POU2AF2: variants seen among roughly 807,000 people sequenced by gnomAD.
POU2AF2 encodes POU class 2 homeobox associating factor 2, also known as POU domain class 2-associating factor 2.
the POU2AF2 span, among the ~76,000 whole-genome samples, chr11:111,267,784 T>C: frequency 6.6e-6 from 1 of 152,138 alleles, no homozygotes; most frequent in African/African-American, 2.4e-5. Flanking sequence ...CTGTGGAGCC[T>C]TACATATATT....
the POU2AF2 span, among the ~76,000 whole-genome samples, chr11:111,273,908 T>C: frequency 6.6e-6 from 1 of 152,190 alleles, no homozygotes; most frequent in African/African-American, 2.4e-5. Context: ...CTAGCTGGCA[T>C]TGCAGGATCC....
At chr11:111,257,840 G>A in the POU2AF2 span, among the ~76,000 whole-genome samples, 1 of 152,186 alleles carries the variant, frequency 6.6e-6, no homozygotes, top group African/African-American at 2.4e-5. Flanking sequence ...CAATACAGCA[G>A]GGCACAGTAT....
chr11:111,257,587 G>A, the POU2AF2 span, among the ~76,000 whole-genome samples: 2 of 151,938 alleles, frequency 1.3e-5, no homozygotes, highest in East Asian at 3.9e-4. Context: ...TGTTGGCCAG[G>A]CTGGTATCAA....
chr11:111,286,105 A>G, the POU2AF2 span: 32 of 1,588,748 alleles, frequency 2.0e-5, no homozygotes, highest in South Asian at 3.6e-4. Context: ...GGTGTATTCC[A>G]AAGATTGTTT....
the POU2AF2 span, among the ~76,000 whole-genome samples, chr11:111,257,476 C>G: frequency 6.6e-6 from 1 of 151,550 alleles, no homozygotes; most frequent in Non-Finnish European, 1.5e-5. Flanking sequence ...TCAAGCGATT[C>G]TCCTGTCTCA....
At chr11:111,280,150 T>C in the POU2AF2 span, among the ~76,000 whole-genome samples, 3 of 150,394 alleles carry the variant, frequency 2.0e-5, no homozygotes, top group African/African-American at 7.3e-5. Context: ...AGCCTGTGGG[T>C]TCTTTGAAGA....
chr11:111,256,361 A>G, the POU2AF2 span, among the ~76,000 whole-genome samples: 1 of 152,184 alleles, frequency 6.6e-6, no homozygotes, highest in Admixed American at 6.5e-5. Context: ...AAGAGTTTTC[A>G]TGCCCTTTTT....
the POU2AF2 span, among the ~76,000 whole-genome samples, chr11:111,276,447 A>ATATATAT: frequency 1.3e-4 from 4 of 30,272 alleles, no homozygotes; most frequent in African/African-American, 3.4e-4. Flanking sequence ...AAGAAAAAAA[A>ATATATAT]AAAAAAATAT....
the POU2AF2 span, among the ~76,000 whole-genome samples, chr11:111,262,369 A>T: frequency 6.6e-6 from 1 of 152,134 alleles, no homozygotes; most frequent in African/African-American, 2.4e-5. Context: ...AGTCCCTAAA[A>T]CCGCCTGTCC....
chr11:111,269,094 C>G, the POU2AF2 span, among the ~76,000 whole-genome samples: 1 of 152,068 alleles, frequency 6.6e-6, no homozygotes, highest in Non-Finnish European at 1.5e-5. Flanking sequence ...AGTATTCACC[C>G]TGGGAACATC....
chr11:111,280,056 AAATATATAT>A, the POU2AF2 span, among the ~76,000 whole-genome samples: 1 of 77,402 alleles, frequency 1.3e-5, no homozygotes, highest in Admixed American at 1.7e-4. Context: ...AAAAAAAAAA[AAATATATAT>A]ATATATATAT....
the POU2AF2 span, among the ~76,000 whole-genome samples, chr11:111,246,996 A>T: frequency 6.6e-6 from 1 of 152,068 alleles, no homozygotes; most frequent in East Asian, 1.9e-4. Flanking sequence ...TATGGTGACC[A>T]GTTTTATTCT....
the POU2AF2 span, among the ~76,000 whole-genome samples, chr11:111,283,611 T>G: frequency 6.6e-6 from 1 of 152,120 alleles, no homozygotes; most frequent in Non-Finnish European, 1.5e-5. Flanking sequence ...GCCTGCCTCT[T>G]TGAGGTGGGG....
the POU2AF2 span, among the ~76,000 whole-genome samples, chr11:111,272,005 G>T: frequency 6.6e-5 from 10 of 152,148 alleles, no homozygotes; most frequent in African/African-American, 2.4e-4. Flanking sequence ...CAACAAGAGT[G>T]AAACTCCATC....
the POU2AF2 span, chr11:111,284,186 A>G: frequency 1.2e-6 from 2 of 1,614,204 alleles, no homozygotes; most frequent in Non-Finnish European, 1.7e-6. Context: ...CAGCGTGGGG[A>G]AGCCGTTTCC....
the POU2AF2 span, among the ~76,000 whole-genome samples, chr11:111,251,172 G>A: frequency 1.3e-5 from 2 of 152,100 alleles, no homozygotes; most frequent in Non-Finnish European, 2.9e-5. Flanking sequence ...TGCCCTGGAT[G>A]GAGCCTGGAT....
chr11:111,257,911 A>C, the POU2AF2 span, among the ~76,000 whole-genome samples: 1 of 152,128 alleles, frequency 6.6e-6, no homozygotes, highest in East Asian at 1.9e-4. Context: ...TGAGGCCAGG[A>C]GTTCCAGACC....
the POU2AF2 span, among the ~76,000 whole-genome samples, chr11:111,258,741 G>T: frequency 1.3e-5 from 2 of 152,204 alleles, no homozygotes; most frequent in African/African-American, 4.8e-5. Context: ...TTGGGTTGGA[G>T]CCAAGGCATG....
chr11:111,245,988 T>C, the POU2AF2 span: 2 of 391,424 alleles, frequency 5.1e-6, no homozygotes, highest in Non-Finnish European at 9.0e-6. Context: ...ATAGAACATA[T>C]AAAAATATAA....
Sources: allele counts gnomAD v4.1 joint callset (sites outside exome capture counted in the v4.1 genomes callset), GRCh38; gene constraint gnomAD v4.1.1; transcripts MANE v1.5; gene names NCBI Gene and HGNC (gene_info 2026-07-23, HGNC 2026-07-21).